Variants in MTX3 observed in about 807,000 individuals in gnomAD.
MTX3 encodes metaxin-3.
In MTX3, 27 loss-of-function variants were observed where a neutral mutation model predicts 42.5. That is an observed-to-expected ratio of 0.64 (90% CI 0.47 to 0.88). The LOEUF is 0.88. Ranked by LOEUF, MTX3 falls within the 40% of genes least tolerant of loss-of-function variation. The pLI, the probability that MTX3 is intolerant of heterozygous loss-of-function variation, is 0.00. For missense variants in MTX3, 378 were observed against 367.0 expected, an observed-to-expected ratio of 1.03 and a Z score of -0.25; for synonymous variants, 144 against 132.9, an observed-to-expected ratio of 1.08 and a Z score of -0.57.
chr5:79,989,879 A>G (rs1831589862), intron 3 of MTX3, among the ~76,000 whole-genome samples: 2 of 152,198 alleles, frequency 1.3e-5, no homozygotes, highest in African/African-American at 4.8e-5. Flanking sequence ...TCCTATCAAT[A>G]AGTTTAATAG....
chr5:79,977,884 C>G lies in MTX3; in HGVS notation c.*5800G>C, dbSNP rs1831288079. On this transcript the variant is annotated 3_prime_UTR_variant, in exon 9 of 9. Transcript: ENST00000512528. ...ATAAACACCCATTGCCTTTTTGGCACTTTTAAAGTACAGCCAGAAAAGGTT... is the reference window on the plus strand; with the variant it reads ...ATAAACACCCATTGCCTTTTTGGCAGTTTTAAAGTACAGCCAGAAAAGGTT... 1.3e-5 allele frequency: 2 copies of G among 152,198 alleles called. No homozygotes were observed. The highest frequency in any genetic ancestry group is 6.5e-5 in the Admixed American group (1 of 15,282). 9.4% of individuals were successfully genotyped at this position (152,198 alleles called of 1,614,324 possible).
chr5:79,990,108 C>T (rs943440360), intron 3 of MTX3, 52 bp downstream of exon 3: 10 of 1,119,264 alleles, frequency 8.9e-6, no homozygotes, highest in Non-Finnish European at 1.3e-5. Context: ...TAAAGCCCAA[C>T]ATGCAGGGAT....
In MTX3 at chr5:79,985,619, C is replaced by T; in HGVS notation, c.780G>A (p.Leu260=). 6.2e-7 allele frequency: 1 copy of T among 1,613,486 alleles called. No individual in the cohort carries two copies. Among genetic ancestry groups the T allele is most frequent in the South Asian group, 1.1e-5 (1 of 90,996 alleles). Residue 260 remains leucine, a synonymous_variant, in exon 8 of 9, where the codon CTG becomes CTA. Transcript: ENST00000512528. ...TATTTACAAGTTGTGTGAGTTTCTG[C>T]AGATTTGCATCTACCGTTTCTTGTC... The part of the protein sequence containing the change: ...PAGQETVDAN[L]QKLTQLVNKE...
rs780684181 is a variant in MTX3, at chr5:79,990,153, C to T, written c.228+7G>A. 8.8e-6 allele frequency: 14 copies of T among 1,590,680 alleles called. No individual in the cohort carries two copies. In the South Asian group the frequency reaches 1.6e-4, roughly 18 times the overall value. ...ACCAATCTACTTCTTCAAAGTGAAC[C>T]ACCCACCTGTTTTCTTAAAAAGTTT... On this transcript the variant is annotated splice_region_variant and intron_variant, in intron 3 of 8. Coordinates refer to ENST00000512528, the MANE Select transcript of MTX3 (RefSeq NM_001363818.2).
In MTX3 at chr5:79,981,381, G is replaced by A. The variant is rs1442901208; in HGVS notation, c.*2303C>T. ...AAGCATTATGGACTATAGTGAGAAT[G>A]TAAGGCTAACAGCAGTTCAAAGTAG... On this transcript the variant is annotated 3_prime_UTR_variant, in exon 9 of 9. Coordinates refer to ENST00000512528, the MANE Select transcript of MTX3 (RefSeq NM_001363818.2). 6.6e-6 allele frequency: 1 copy of A among 152,152 alleles called. No homozygotes were observed. The allele number at this position is 152,152 out of a possible 1,614,324, so 9.4% of individuals were successfully genotyped here.
At chr5:79,986,713 A>C (rs747742317) in intron 7 of MTX3, 67 of 572,360 alleles carry the variant, frequency 1.2e-4, no homozygotes, top group Non-Finnish European at 1.8e-4. Flanking sequence ...AAGAACAAGA[A>C]GAAGAAACGT....
intron 7 of MTX3, 157 bp downstream of exon 7, chr5:79,986,793 A>T: frequency 1.6e-6 from 1 of 641,674 alleles, no homozygotes; most frequent in Non-Finnish European, 2.7e-6. Flanking sequence ...ACATGAGAAT[A>T]AAAATGAAGT....
chr5:79,991,070 G>T (rs536631748), intron 1 of MTX3, 88 bp downstream of exon 1: 18 of 1,329,982 alleles, frequency 1.4e-5, no homozygotes, highest in Non-Finnish European at 1.8e-5. Context: ...CCTGGACCCC[G>T]CAGCGCAGCG....
At chr5:79,989,316 T>C in intron 3 of MTX3, 72 bp from the exon 4 acceptor site, 1 of 919,524 alleles carries the variant, frequency 1.1e-6, no homozygotes, top group Non-Finnish European at 1.6e-6. Flanking sequence ...ACTAATCAAA[T>C]CAGGATTCAT....
chr5:79,989,007 C>A, intron 4 of MTX3, 145 bp downstream of exon 4: 1 of 575,480 alleles, frequency 1.7e-6, no homozygotes. Flanking sequence ...CTAACAGAAT[C>A]CAGTTTCACA....
At chr5:79,990,987 G>T (rs773088332) in intron 1 of MTX3, 171 bp downstream of exon 1, 1 of 769,572 alleles carries the variant, frequency 1.3e-6, no homozygotes, top group South Asian at 1.5e-5. Context: ...GCCTTCGGCG[G>T]GGGTATCGGC....
chr5:79,985,318 G>C (rs193052140), intron 8 of MTX3, among the ~76,000 whole-genome samples: 6 of 152,070 alleles, frequency 3.9e-5, no homozygotes, highest in Non-Finnish European at 4.4e-5. Context: ...GGATTTCCTA[G>C]CTTAAAGGGT....
At chr5:79,984,056 T>G (rs1388073025) in intron 8 of MTX3, among the ~76,000 whole-genome samples, 1 of 152,208 alleles carries the variant, frequency 6.6e-6, no homozygotes, top group Non-Finnish European at 1.5e-5. Flanking sequence ...AAATAAATAT[T>G]CTACTGAACT....
At chr5:79,988,676 T>A (rs1178225299) in intron 4 of MTX3, 32 bp from the exon 5 acceptor site, 6 of 1,500,638 alleles carry the variant, frequency 4.0e-6, no homozygotes, top group Non-Finnish European at 5.3e-6. Flanking sequence ...ACTACAAGGA[T>A]GTTCTTTTAT....
rs919052621 is a variant in MTX3, at chr5:79,976,814, T to C, written c.*6870A>G. The C allele has an allele frequency of 6.6e-6, 1 of 152,666 alleles. No homozygotes were observed. The highest frequency in any genetic ancestry group is 1.5e-5 in the Non-Finnish European group (1 of 68,036). The allele number at this position is 152,666 out of a possible 1,614,324, so 9.5% of individuals were successfully genotyped here. On this transcript the variant is annotated 3_prime_UTR_variant, in exon 9 of 9. Coordinates refer to ENST00000512528, the MANE Select transcript of MTX3 (RefSeq NM_001363818.2). ...TTATCAGAATAAATTCTTTACAATA[T>C]TGATCACCATCACCACTTTAGTGTA...
rs1831262236 is a variant in MTX3, at chr5:79,976,823, A to G, written c.*6861T>C. 1 of 152,638 alleles carries G rather than the reference A, an allele frequency of 6.6e-6. No homozygotes were observed. Among genetic ancestry groups the G allele is most frequent in the Non-Finnish European group, 1.5e-5 (1 of 68,048 alleles). The allele number at this position is 152,638 out of a possible 1,614,324, so 9.5% of individuals were successfully genotyped here. On this transcript the variant is annotated 3_prime_UTR_variant, in exon 9 of 9. Transcript: ENST00000512528. Reference sequence around the variant, plus strand: ...TAAATTCTTTACAATATTGATCACCATCACCACTTTAGTGTATTTGTACAT... The same window carrying G: ...TAAATTCTTTACAATATTGATCACCGTCACCACTTTAGTGTATTTGTACAT...
intron 1 of MTX3, 164 bp from the exon 2 acceptor site, chr5:79,990,827 G>A (rs1230619669): frequency 2.7e-6 from 2 of 729,688 alleles, no homozygotes; most frequent in Non-Finnish European, 5.0e-6. Flanking sequence ...CAGCCACCCG[G>A]CTTTCGAGGA....
In MTX3 at chr5:79,988,570, A is replaced by C. The variant is rs758683401; in HGVS notation, c.396T>G (p.Phe132Leu). Residue 132 changes from phenylalanine to leucine, a missense_variant, in exon 5 of 9, where the codon TTT becomes TTG. Coordinates refer to ENST00000512528, the MANE Select transcript of MTX3 (RefSeq NM_001363818.2). ...TKPWFASQIP[F>L]PLSLILPGRM... The stretch of plus-strand genomic sequence containing the variant: ...TTCCAGGCAGGATCAAACTCAAAGG[A>C]AAAGGAATTTGTGAAGCAAACCATG... 2 of 1,608,820 alleles carry C rather than the reference A, an allele frequency of 1.2e-6. No homozygotes were observed. The highest frequency in any genetic ancestry group is 1.1e-5 in the South Asian group (1 of 89,586).
intron 6 of MTX3, among the ~76,000 whole-genome samples, chr5:79,987,415 G>A (rs1219568286): frequency 7.0e-6 from 1 of 142,486 alleles, no homozygotes; most frequent in Non-Finnish European, 1.5e-5. Context: ...ACTCTAGCCT[G>A]GGCAACAAGA....
Sources: allele counts gnomAD v4.1 joint callset (sites outside exome capture counted in the v4.1 genomes callset), GRCh38; gene constraint gnomAD v4.1.1; transcripts MANE v1.5; gene names NCBI Gene and HGNC (gene_info 2026-07-23, HGNC 2026-07-21).